Variants in NOL4 observed in about 807,000 individuals in gnomAD.
NOL4 encodes cancer/testis antigen 125.
In NOL4, 17 loss-of-function variants were observed where a neutral mutation model predicts 75.9. The ratio of observed to expected loss-of-function variants is 0.22; its 90% CI spans 0.15 to 0.34. The LOEUF (loss-of-function observed/expected upper bound fraction) is 0.34. Ranked by LOEUF, NOL4 falls within the 10% of genes least tolerant of loss-of-function variation. NOL4 has a pLI of 1.00. For missense variants in NOL4, 614 were observed against 793.5 expected (o/e 0.77, Z 2.72); for synonymous variants, 292 against 289.9 (o/e 1.01, Z -0.07).
At chr18:34,182,261 C>A (rs915009575) in intron 1 of NOL4, among the ~76,000 whole-genome samples, 2 of 151,518 alleles carry the variant, frequency 1.3e-5, no homozygotes, top group African/African-American at 4.8e-5. Context: ...CTATAACATG[C>A]CTGAAACTTG....
At chr18:33,857,245 G>A (rs1029914121) in intron 10 of NOL4, among the ~76,000 whole-genome samples, 4 of 151,958 alleles carry the variant, frequency 2.6e-5, no homozygotes, top group African/African-American at 9.7e-5. Flanking sequence ...TTGCATCAAT[G>A]TACTAAAATA....
In NOL4 at chr18:34,073,766, T is replaced by C. The variant is rs552888556; in HGVS notation, c.772+19699A>G. Among the ~76,000 whole-genome samples, 33 of 152,078 alleles carry C rather than the reference T, an allele frequency of 2.2e-4. No homozygotes were observed. The South Asian group carries it at 6.8e-3, about 31-fold the overall frequency. ...GTGAAGCTACAAAATAATAGGGATA[T>C]AGTAATGCAATCAAATAAAAAACTA... On this transcript the variant is annotated intron_variant, in intron 5 of 10. Transcript: ENST00000261592.
chr18:34,174,300 C>T (rs758159151), intron 1 of NOL4, among the ~76,000 whole-genome samples: 3 of 47,784 alleles, frequency 6.3e-5, no homozygotes, highest in African/African-American at 1.2e-4. Context: ...TGAAAATTTG[C>T]TCTTCATAAA....
intron 4 of NOL4, among the ~76,000 whole-genome samples, chr18:34,100,140 T>G (rs997254072): frequency 6.6e-6 from 1 of 152,042 alleles, no homozygotes; most frequent in African/African-American, 2.4e-5. Flanking sequence ...TGATCCCTCC[T>G]GTCTGTGCTC....
Position 34,224,654 on chromosome 18 carries a change from C to G in NOL4, c.-1401G>C, listed in dbSNP as rs192099388. On this transcript the variant is annotated 5_prime_UTR_variant, in exon 1 of 11. Transcript: ENST00000261592. ...TGCGTCCGAGCCCACCTTCTTCCCTCGTCGTCGTCTCCCAGACTAAATCCC... is the reference window on the plus strand; with the variant it reads ...TGCGTCCGAGCCCACCTTCTTCCCTGGTCGTCGTCTCCCAGACTAAATCCC... 2 of 152,304 alleles carry G rather than the reference C, an allele frequency of 1.3e-5. No individual in the cohort carries two copies. Among genetic ancestry groups the G allele is most frequent in the Admixed American group, 1.3e-4 (2 of 15,290 alleles). 9.4% of individuals were successfully genotyped at this position (152,304 alleles called of 1,614,324 possible).
intron 1 of NOL4, among the ~76,000 whole-genome samples, chr18:34,142,452 C>G (rs2081211460): frequency 6.6e-6 from 1 of 152,098 alleles, no homozygotes; most frequent in Admixed American, 6.6e-5. Context: ...CAATGATAGA[C>G]TGGATTAAGA....
chr18:33,869,514 A>T (rs1415345763), intron 10 of NOL4, among the ~76,000 whole-genome samples: 2 of 152,040 alleles, frequency 1.3e-5, no homozygotes, highest in Admixed American at 6.6e-5. Context: ...TTTGTAAATG[A>T]ATAAATGATG....
chr18:34,133,878 C>A (rs1248951222), intron 1 of NOL4, among the ~76,000 whole-genome samples: 1 of 152,144 alleles, frequency 6.6e-6, no homozygotes, highest in East Asian at 1.9e-4. Context: ...CAAAAGTTAG[C>A]TGGGCGTGGT....
In NOL4 at chr18:33,956,739, A is replaced by T. The variant is rs183033024; in HGVS notation, c.1428+587T>A. On this transcript the variant is annotated intron_variant, in intron 8 of 10. Coordinates refer to ENST00000261592, the MANE Select transcript of NOL4 (RefSeq NM_003787.5). ...CTCATCTGTCTATAACATCCACCTGAATATGAAAGCTCTTGGTACCATCCA... is the reference window on the plus strand; with the variant it reads ...CTCATCTGTCTATAACATCCACCTGTATATGAAAGCTCTTGGTACCATCCA... 4.4e-4 allele frequency among the ~76,000 whole-genome samples: 67 copies of T among 152,302 alleles called. 2 individuals are homozygous for T. The highest frequency in any genetic ancestry group is 2.8e-3 in the Admixed American group (43 of 15,290).
chr18:34,008,468 T>C (rs1280179654), intron 6 of NOL4, among the ~76,000 whole-genome samples: 1 of 151,934 alleles, frequency 6.6e-6, no homozygotes, highest in African/African-American at 2.4e-5. Context: ...CTAACACCAG[T>C]GATAATATCT....
At position 33,851,579 on chromosome 18, in the gene NOL4, A is replaced by G. The variant is rs1299615045; in HGVS notation, c.*1263T>C. 1 of 152,480 alleles carries G rather than the reference A, an allele frequency of 6.6e-6. No individual in the cohort carries two copies. The highest frequency in any genetic ancestry group is 2.4e-5 in the African/African-American group (1 of 41,450). The allele number at this position is 152,480 out of a possible 1,614,324, so 9.4% of individuals were successfully genotyped here. A position where few individuals can be genotyped will look rare whatever the true frequency, so the allele number is the denominator to read the frequency against. On this transcript the variant is annotated 3_prime_UTR_variant, in exon 11 of 11. Coordinates refer to ENST00000261592, the MANE Select transcript of NOL4 (RefSeq NM_003787.5). ...ATCCAACCAAAGCTAAACAACAGAA[A>G]AAAGTTGTATAAGAAGCATGAACTA...
chr18:33,919,455 A>G (rs1254458333), intron 9 of NOL4, among the ~76,000 whole-genome samples: 3 of 152,172 alleles, frequency 2.0e-5, no homozygotes, highest in African/African-American at 7.2e-5. Context: ...ACTTGCATAT[A>G]ACTTTTCAGA....
At chr18:34,055,425 A>G (rs941853536) in intron 5 of NOL4, among the ~76,000 whole-genome samples, 1 of 151,094 alleles carries the variant, frequency 6.6e-6, no homozygotes, top group Non-Finnish European at 1.5e-5. Flanking sequence ...TTTGAATAAT[A>G]TTATCACACT....
chr18:33,996,419 G>T (rs758465871), intron 6 of NOL4, among the ~76,000 whole-genome samples: 3 of 151,662 alleles, frequency 2.0e-5, no homozygotes, highest in African/African-American at 7.3e-5. Flanking sequence ...TTAAGTCCAA[G>T]ATTTTTTTTC....
At chr18:33,940,043 C>T (rs1310814122) in intron 9 of NOL4, among the ~76,000 whole-genome samples, 1 of 152,038 alleles carries the variant, frequency 6.6e-6, no homozygotes, top group Non-Finnish European at 1.5e-5. Context: ...ATTAAGCAGT[C>T]AGGAAACAAC....
chr18:34,040,739 T>C (rs1439896981), intron 5 of NOL4, among the ~76,000 whole-genome samples: 1 of 151,934 alleles, frequency 6.6e-6, no homozygotes, highest in East Asian at 1.9e-4. Context: ...GTTTCTAACT[T>C]AGGTATCACG....
At chr18:33,897,462 T>C (rs1340710048) in intron 9 of NOL4, among the ~76,000 whole-genome samples, 2 of 152,128 alleles carry the variant, frequency 1.3e-5, no homozygotes, top group East Asian at 3.9e-4. Flanking sequence ...ATGTCTTTTG[T>C]GGGACATGGA....
chr18:34,059,869 C>T (rs2076999222), intron 5 of NOL4, among the ~76,000 whole-genome samples: 2 of 152,052 alleles, frequency 1.3e-5, no homozygotes, highest in South Asian at 4.2e-4. Context: ...GCTCTGACAC[C>T]CGGAGAGAAA....
chr18:34,016,150 T>C (rs1300604020), intron 6 of NOL4, among the ~76,000 whole-genome samples: 4 of 152,096 alleles, frequency 2.6e-5, no homozygotes, highest in Non-Finnish European at 4.4e-5. Flanking sequence ...AGATAGGTAG[T>C]CCTGCAAATA....
Sources: allele counts gnomAD v4.1 joint callset (sites outside exome capture counted in the v4.1 genomes callset), GRCh38; gene constraint gnomAD v4.1.1; transcripts MANE v1.5; gene names NCBI Gene and HGNC (gene_info 2026-07-23, HGNC 2026-07-21).